Variants in SLC35D4 observed in about 807,000 individuals in gnomAD.
SLC35D4 encodes solute carrier family 35 member D4.
At chr18:23,322,825 T>C in the SLC35D4 span, among the ~76,000 whole-genome samples, 1 of 152,360 alleles carries the variant, frequency 6.6e-6, no homozygotes, top group East Asian at 1.9e-4. Flanking sequence ...AATGGAGAGT[T>C]TGAGACTTCC....
the SLC35D4 span, chr18:23,399,715 G>A: frequency 6.7e-7 from 1 of 1,497,468 alleles, no homozygotes; most frequent in South Asian, 1.2e-5. Flanking sequence ...AGCTGGAAAG[G>A]CTGACCCTCC....
At chr18:23,283,489 A>G in the SLC35D4 span, among the ~76,000 whole-genome samples, 13 of 150,610 alleles carry the variant, frequency 8.6e-5, no homozygotes, top group South Asian at 8.4e-4. Context: ...AAAAAAAAAA[A>G]AAAAGAAAGA....
the SLC35D4 span, among the ~76,000 whole-genome samples, chr18:23,293,135 T>G: frequency 6.6e-6 from 1 of 152,104 alleles, no homozygotes; most frequent in Non-Finnish European, 1.5e-5. Flanking sequence ...TCCCAGCTAC[T>G]TGGGAGGCAG....
At chr18:23,409,569 G>C in the SLC35D4 span, among the ~76,000 whole-genome samples, 1 of 152,164 alleles carries the variant, frequency 6.6e-6, no homozygotes, top group Non-Finnish European at 1.5e-5. Context: ...GGCTGGGCAA[G>C]GTGGTTTACG....
chr18:23,367,317 C>T, the SLC35D4 span, among the ~76,000 whole-genome samples: 3 of 152,286 alleles, frequency 2.0e-5, no homozygotes, highest in East Asian at 1.9e-4. Flanking sequence ...AAAAAAAATT[C>T]CCTCCGATAC....
the SLC35D4 span, among the ~76,000 whole-genome samples, chr18:23,431,153 CAAAAAAAAAAAA>C: frequency 5.6e-3 from 374 of 66,284 alleles, 4 homozygotes; most frequent in African/African-American, 0.022. Flanking sequence ...GAGTATATCT[CAAAAAAAAAAAA>C]AAAAAAAAAA....
chr18:23,383,374 G>A, the SLC35D4 span, among the ~76,000 whole-genome samples: 2 of 150,774 alleles, frequency 1.3e-5, no homozygotes, highest in African/African-American at 4.9e-5. Flanking sequence ...CACAGGAAGG[G>A]AACCAAGCAG....
the SLC35D4 span, chr18:23,297,615 G>A: frequency 5.6e-6 from 1 of 179,960 alleles, no homozygotes; most frequent in Non-Finnish European, 1.2e-5. Context: ...TGAAAGCAGT[G>A]TTTGGGAGAG....
chr18:23,384,935 C>T, the SLC35D4 span: 1 of 1,553,058 alleles, frequency 6.4e-7, no homozygotes, highest in South Asian at 1.1e-5. Context: ...AAGAAGAGTA[C>T]TTCTTTGAAA....
the SLC35D4 span, chr18:23,331,579 T>C: frequency 6.6e-6 from 1 of 152,418 alleles, no homozygotes; most frequent in Non-Finnish European, 1.5e-5. Context: ...AAAACTGAAG[T>C]ATAACATAAA....
chr18:23,344,665 G>C, the SLC35D4 span, among the ~76,000 whole-genome samples: 1 of 148,058 alleles, frequency 6.8e-6, no homozygotes, highest in African/African-American at 2.5e-5. Flanking sequence ...GCAGTGGCGC[G>C]ATCTCGGCTC....
the SLC35D4 span, among the ~76,000 whole-genome samples, chr18:23,387,316 C>G: frequency 6.6e-6 from 1 of 152,168 alleles, no homozygotes; most frequent in Non-Finnish European, 1.5e-5. Context: ...CCACCACCTG[C>G]TAGTGGGGCA....
the SLC35D4 span, among the ~76,000 whole-genome samples, chr18:23,404,147 T>C: frequency 2.0e-5 from 3 of 152,272 alleles, no homozygotes; most frequent in African/African-American, 4.8e-5. Flanking sequence ...CATAACATTT[T>C]CTTCAACATA....
chr18:23,363,364 ATTTTTTTT>A, the SLC35D4 span, among the ~76,000 whole-genome samples: 23 of 90,458 alleles, frequency 2.5e-4, 1 homozygote, highest in South Asian at 1.8e-3. Flanking sequence ...ACAAAAGCAC[ATTTTTTTT>A]TTTTTTTTTT....
At chr18:23,371,097 CTCTCTT>C in the SLC35D4 span, among the ~76,000 whole-genome samples, 3 of 135,870 alleles carry the variant, frequency 2.2e-5, no homozygotes, top group Non-Finnish European at 5.1e-5. Context: ...CTCTCTCTCT[CTCTCTT>C]TCTTTTTTTT....
chr18:23,310,732 T>G, the SLC35D4 span, among the ~76,000 whole-genome samples: 1 of 151,962 alleles, frequency 6.6e-6, no homozygotes, highest in Admixed American at 6.6e-5. Context: ...GGAAGGAGTA[T>G]GTTTATGAAC....
At chr18:23,337,361 G>A in the SLC35D4 span, among the ~76,000 whole-genome samples, 1 of 151,908 alleles carries the variant, frequency 6.6e-6, no homozygotes, top group African/African-American at 2.4e-5. Context: ...TGTAGTCCCA[G>A]CTACCTGGGA....
chr18:23,272,154 C>A, the SLC35D4 span, among the ~76,000 whole-genome samples: 2 of 152,150 alleles, frequency 1.3e-5, no homozygotes, highest in African/African-American at 4.8e-5. Flanking sequence ...TGGGACTGAG[C>A]CTGCACGTGT....
the SLC35D4 span, among the ~76,000 whole-genome samples, chr18:23,375,104 G>A: frequency 6.8e-6 from 1 of 148,030 alleles, no homozygotes; most frequent in Admixed American, 6.7e-5. Context: ...AACAAAACGA[G>A]ACTCCATCTC....
Sources: gnomAD v4.1 joint callset for allele counts (sites outside exome capture counted in the v4.1 genomes callset) on GRCh38, gnomAD v4.1.1 for gene constraint, MANE v1.5 for transcripts, NCBI Gene and HGNC (gene_info 2026-07-23, HGNC 2026-07-21) for gene names.